Variants in MACROD2 observed in about 807,000 individuals in gnomAD.
The protein encoded by MACROD2 is mono-ADP ribosylhydrolase 2.
Under a neutral mutation model 70.4 loss-of-function variants are expected in MACROD2, and 36 were observed. The observed-to-expected ratio is 0.51, with a 90% CI of 0.39 to 0.68. MACROD2 has a LOEUF of 0.68. MACROD2 is among the 30% of genes least tolerant of loss of function. The pLI is 0.00. For missense variants in MACROD2, 496 were observed against 538.4 expected, an observed-to-expected ratio of 0.92 and a Z score of 0.78; for synonymous variants, 172 against 178.8, an observed-to-expected ratio of 0.96 and a Z score of 0.30.
intron 5 of MACROD2, among the ~76,000 whole-genome samples, chr20:14,804,979 C>T (rs1190822451): frequency 1.3e-5 from 2 of 151,794 alleles, no homozygotes; most frequent in East Asian, 3.9e-4. Context: ...TGAGTTTCTA[C>T]ACAGAAAACC....
chr20:14,480,975 G>A (rs1334525633), intron 3 of MACROD2, among the ~76,000 whole-genome samples: 1 of 151,988 alleles, frequency 6.6e-6, no homozygotes, highest in African/African-American at 2.4e-5. Context: ...ACTTATTTAG[G>A]AAAGAAAAAT....
At chr20:14,187,918 C>T (rs999349100) in intron 3 of MACROD2, among the ~76,000 whole-genome samples, 15 of 152,102 alleles carry the variant, frequency 9.9e-5, no homozygotes. Flanking sequence ...CTGGTCTGTA[C>T]TCAAATTGTG....
chr20:14,517,858 C>CT lies in MACROD2; in HGVS notation c.301+24359dup, dbSNP rs926344779. On this transcript the variant is annotated intron_variant, in intron 4 of 17. Transcript: ENST00000684519. The stretch of plus-strand genomic sequence containing the variant: ...TTTTCTGGTATATATTTTCTGGGCT[C>CT]TTTTTTTTTAACCAATATTTTGTCT... Among the ~76,000 whole-genome samples the CT allele has an allele frequency of 1.3e-4, 20 of 150,740 alleles. No individual in the cohort carries two copies. The South Asian group carries it at 2.1e-3, about 16-fold the overall frequency.
intron 5 of MACROD2, among the ~76,000 whole-genome samples, chr20:15,013,153 G>A (rs779058432): frequency 6.6e-6 from 1 of 152,148 alleles, no homozygotes; most frequent in African/African-American, 2.4e-5. Flanking sequence ...GGCCTGGCCA[G>A]TGAGAGCATT....
intron 8 of MACROD2, among the ~76,000 whole-genome samples, chr20:15,749,573 C>G (rs537748376): frequency 1.6e-4 from 24 of 152,132 alleles, no homozygotes; most frequent in Middle Eastern, 3.4e-3. Context: ...TCATCTTTCT[C>G]AGCTCCTATA....
intron 5 of MACROD2, among the ~76,000 whole-genome samples, chr20:15,039,767 A>T (rs947539831): frequency 6.6e-5 from 10 of 152,128 alleles, no homozygotes; most frequent in African/African-American, 2.4e-4. Flanking sequence ...ACTTTTAGAG[A>T]CAGCAGATAT....
chr20:15,832,116 A>C, intron 8 of MACROD2, among the ~76,000 whole-genome samples: 1 of 151,384 alleles, frequency 6.6e-6, no homozygotes, highest in Non-Finnish European at 1.5e-5. Context: ...AAATGGAAAA[A>C]AGTTCCAATA....
At chr20:15,613,829 T>C (rs931054566) in intron 8 of MACROD2, among the ~76,000 whole-genome samples, 4 of 152,214 alleles carry the variant, frequency 2.6e-5, no homozygotes, top group African/African-American at 9.6e-5. Context: ...TCTGACCGTG[T>C]TATCTTAAAA....
chr20:15,690,902 G>A (rs2050291508), intron 8 of MACROD2, among the ~76,000 whole-genome samples: 1 of 151,976 alleles, frequency 6.6e-6, no homozygotes, highest in Non-Finnish European at 1.5e-5. Flanking sequence ...TTTTGTCCTT[G>A]CAGCCATCCT....
chr20:16,043,478 T>C (rs2067335076), intron 16 of MACROD2, among the ~76,000 whole-genome samples: 1 of 152,144 alleles, frequency 6.6e-6, no homozygotes, highest in African/African-American at 2.4e-5. Context: ...AATGTGGACT[T>C]TGATGCTTGA....
At chr20:14,667,990 A>T (rs1015911405) in intron 4 of MACROD2, among the ~76,000 whole-genome samples, 10 of 152,078 alleles carry the variant, frequency 6.6e-5, no homozygotes, top group Non-Finnish European at 1.5e-4. Context: ...TCTACAAAAA[A>T]TACAAATATT....
At chr20:14,948,714 G>T (rs1019138266) in intron 5 of MACROD2, among the ~76,000 whole-genome samples, 38 of 152,140 alleles carry the variant, frequency 2.5e-4, no homozygotes, top group African/African-American at 9.2e-4. Flanking sequence ...GCAGAAACAG[G>T]GTAGGTGGCA....
intron 3 of MACROD2, chr20:14,327,597 G>GGCCA: frequency 2.2e-6 from 3 of 1,348,514 alleles, no homozygotes; most frequent in South Asian, 3.0e-5. Context: ...AAAACAATAA[G>GGCCA]GCCAGCATAC....
chr20:15,764,720 C>G (rs1453577924), intron 8 of MACROD2, among the ~76,000 whole-genome samples: 1 of 152,162 alleles, frequency 6.6e-6, no homozygotes, highest in East Asian at 1.9e-4. Context: ...ACTCTTTCCC[C>G]TTATATTGGA....
At chr20:14,543,066 C>T (rs2224290) in intron 4 of MACROD2, among the ~76,000 whole-genome samples, 11,849 of 152,000 alleles carry the variant, frequency 0.078, 759 homozygotes, top group South Asian at 0.3. Flanking sequence ...TGTATTGTCC[C>T]TTTTGTACCT....
At chr20:15,665,980 A>G (rs1156820178) in intron 8 of MACROD2, among the ~76,000 whole-genome samples, 2 of 109,322 alleles carry the variant, frequency 1.8e-5, no homozygotes, top group East Asian at 9.4e-4. Context: ...CATGCTGTAG[A>G]GAAAATAGTA....
At chr20:15,974,629 A>T (rs897612919) in intron 13 of MACROD2, among the ~76,000 whole-genome samples, 2 of 152,124 alleles carry the variant, frequency 1.3e-5, no homozygotes, top group African/African-American at 4.8e-5. Flanking sequence ...AACCCATAGA[A>T]TGTACAGTTC....
At chr20:15,054,306 G>A (rs909194754) in intron 5 of MACROD2, among the ~76,000 whole-genome samples, 3 of 152,194 alleles carry the variant, frequency 2.0e-5, no homozygotes, top group South Asian at 2.1e-4. Flanking sequence ...AGAATTTTTT[G>A]TGAAAGAGTC....
intron 8 of MACROD2, among the ~76,000 whole-genome samples, chr20:15,534,508 T>C (rs1012353137): frequency 3.9e-5 from 6 of 152,208 alleles, no homozygotes; most frequent in Admixed American, 3.9e-4. Flanking sequence ...CTCCCTCCCT[T>C]ACAGGCTCTT....
Sources: allele counts gnomAD v4.1 joint callset (sites outside exome capture counted in the v4.1 genomes callset), GRCh38; gene constraint gnomAD v4.1.1; transcripts MANE v1.5; gene names NCBI Gene and HGNC (gene_info 2026-07-23, HGNC 2026-07-21).